RASSF2: variants seen among roughly 807,000 people sequenced by gnomAD.
The protein encoded by RASSF2 is Ras association domain family member 2, also known as ras association domain-containing protein 2.
In RASSF2, 34 loss-of-function variants were observed where a neutral mutation model predicts 46.3. The observed-to-expected ratio is 0.73, with a 90% confidence interval of 0.56 to 0.98. The LOEUF (loss-of-function observed/expected upper bound fraction) is 0.98, where lower values mean the gene tolerates loss of function less well. Ranked by LOEUF, RASSF2 falls within the 50% of genes least tolerant of loss-of-function variation. RASSF2 has a pLI of 0.00. For synonymous variants in RASSF2, 158 were observed against 162.5 expected (o/e 0.97, Z 0.21); for missense variants, 364 against 431.2 (o/e 0.84, Z 1.38).
chr20:4,784,173 T>C lies in RASSF2; in HGVS notation c.*100A>G. The C allele has an allele frequency of 8.0e-7, 1 of 1,243,080 alleles. No homozygotes were observed. The allele number at this position is 1,243,080 out of a possible 1,614,324, so 77.0% of individuals were successfully genotyped here. ...TGGCTTGGCCGGAGCTGGGGAGGTT[T>C]GTGTCTAAATGTTTCCATGGAAAGA... On this transcript the variant is annotated 3_prime_UTR_variant, in exon 12 of 12. Transcript: ENST00000379400.
intron 2 of RASSF2, among the ~76,000 whole-genome samples, chr20:4,813,439 A>G (rs1250062523): frequency 6.6e-6 from 1 of 151,896 alleles, no homozygotes; most frequent in Non-Finnish European, 1.5e-5. Flanking sequence ...CGGTCCTGGG[A>G]CTCCTGCCGG....
chr20:4,809,237 C>T (rs1273408991), intron 2 of RASSF2, among the ~76,000 whole-genome samples: 1 of 152,186 alleles, frequency 6.6e-6, no homozygotes, highest in Non-Finnish European at 1.5e-5. Flanking sequence ...GTAAGACCTT[C>T]CCTAAGACCC....
chr20:4,788,315 T>C, intron 8 of RASSF2, 47 bp from the exon 9 acceptor site: 1 of 1,533,278 alleles, frequency 6.5e-7, no homozygotes. Context: ...TATTTAAACA[T>C]CCCAACTTCG....
Position 4,789,413 on chromosome 20 carries a change from C to T in RASSF2, c.639+183G>A, listed in dbSNP as rs140274802. ...TGAGAATCTGAATTTCTAACAAGCA[C>T]CCAGGTGATGCTGATGCTGATTCTG... On this transcript the variant is annotated intron_variant, in intron 8 of 11. Transcript: ENST00000379400. Among the ~76,000 whole-genome samples the T allele has an allele frequency of 1.7e-3, 260 of 152,244 alleles. 3 individuals carry two copies. In the East Asian group the frequency reaches 0.027, roughly 16 times the overall value.
chr20:4,801,027 C>A lies in RASSF2; in HGVS notation c.4G>T (p.Asp2Tyr). 1 of 1,613,770 alleles carries A rather than the reference C, an allele frequency of 6.2e-7. No individual in the cohort carries two copies. The highest frequency in any genetic ancestry group is 8.5e-7 in the Non-Finnish European group (1 of 1,179,636). M[D>Y]YSHQTSLVPC... Reference sequence around the variant, plus strand: ...ACTAGGGACGTTTGGTGGCTGTAGTCCATTCTTCCTTTCTCTTTTCATCGG... The same window carrying A: ...ACTAGGGACGTTTGGTGGCTGTAGTACATTCTTCCTTTCTCTTTTCATCGG... Residue 2 changes from aspartate (D) to tyrosine (Y), a missense_variant, in exon 3 of 12, where the codon GAC (aspartate) becomes TAC (tyrosine). By Grantham distance (160) the Asp-to-Tyr change is radical. Transcript: ENST00000379400.
chr20:4,782,149 A>G lies in RASSF2; in HGVS notation c.*2124T>C, dbSNP rs969668974. The G allele has an allele frequency of 3.3e-5, 5 of 152,220 alleles. No homozygotes were observed. Among genetic ancestry groups the G allele is most frequent in the African/African-American group, 1.2e-4 (5 of 41,446 alleles). 9.4% of individuals were successfully genotyped at this position (152,220 alleles called of 1,614,324 possible). The stretch of plus-strand genomic sequence containing the variant: ...TCTGGCCAACTGGACATGTTGCAGT[A>G]TTTCCCCATCTAACACTATCGTAGT... On this transcript the variant is annotated 3_prime_UTR_variant, in exon 12 of 12. Coordinates refer to ENST00000379400, the MANE Select transcript of RASSF2 (RefSeq NM_014737.3).
chr20:4,802,869 T>A (rs1375761858), intron 2 of RASSF2, among the ~76,000 whole-genome samples: 1 of 143,050 alleles, frequency 7.0e-6, no homozygotes, highest in East Asian at 2.0e-4. Context: ...CATATACACG[T>A]GTATGTGTGT....
rs1348307878 is a variant in RASSF2 at position 4,780,379 on chromosome 20, T to C, written c.*3894A>G. ...ACAGCTTGTGCATCTTGTGCTCAGTTAAATACAGTTAAAACACAAGGGGCG... is the reference window on the plus strand; with the variant it reads ...ACAGCTTGTGCATCTTGTGCTCAGTCAAATACAGTTAAAACACAAGGGGCG... On this transcript the variant is annotated 3_prime_UTR_variant, in exon 12 of 12. Coordinates refer to ENST00000379400, the MANE Select transcript of RASSF2 (RefSeq NM_014737.3). 6.6e-6 allele frequency: 1 copy of C among 152,162 alleles called. No homozygotes were observed. Among genetic ancestry groups the C allele is most frequent in the African/African-American group, 2.4e-5 (1 of 41,436 alleles). The allele number at this position is 152,162 out of a possible 1,614,324, so 9.4% of individuals were successfully genotyped here.
chr20:4,817,937 G>A (rs1278825266), intron 2 of RASSF2, among the ~76,000 whole-genome samples: 3 of 152,146 alleles, frequency 2.0e-5, no homozygotes, highest in Non-Finnish European at 4.4e-5. Context: ...TTGGAGATGG[G>A]GAAACTGAGA....
chr20:4,803,580 C>T (rs1927076508), intron 2 of RASSF2, among the ~76,000 whole-genome samples: 1 of 151,626 alleles, frequency 6.6e-6, no homozygotes, highest in Non-Finnish European at 1.5e-5. Context: ...AGCAGGAGAC[C>T]CCATCTCTAC....
intron 2 of RASSF2, among the ~76,000 whole-genome samples, chr20:4,818,383 C>A (rs1928462832): frequency 6.6e-6 from 1 of 152,132 alleles, no homozygotes; most frequent in Non-Finnish European, 1.5e-5. Flanking sequence ...GACTTGGATG[C>A]CTAATACAAA....
chr20:4,803,653 A>G (rs1927082008), intron 2 of RASSF2, among the ~76,000 whole-genome samples: 1 of 151,774 alleles, frequency 6.6e-6, no homozygotes, highest in Non-Finnish European at 1.5e-5. Context: ...GCTACTTGGG[A>G]GTCTAAGGTA....
In RASSF2 at chr20:4,808,513, G is replaced by T. The variant is rs1300521717; in HGVS notation, c.-32-7451C>A. 2.7e-5 allele frequency among the ~76,000 whole-genome samples: 4 copies of T among 145,900 alleles called. No homozygotes were observed. In the South Asian group the frequency reaches 8.5e-4, roughly 31 times the overall value. On this transcript the variant is annotated intron_variant, in intron 2 of 11. Transcript: ENST00000379400. ...TTTTTTTTTTTTTTTTTGAGACAGG[G>T]TCTCATTCTGTCACCCAGGCTGGAA...
intron 11 of RASSF2, among the ~76,000 whole-genome samples, chr20:4,784,621 A>T (rs537007378): frequency 5.3e-4 from 80 of 152,056 alleles, no homozygotes; most frequent in African/African-American, 1.9e-3. Context: ...AAAAAGGTAA[A>T]AAAAAACAAC....
intron 2 of RASSF2, among the ~76,000 whole-genome samples, chr20:4,813,665 C>T (rs896636286): frequency 2.6e-5 from 4 of 152,162 alleles, no homozygotes; most frequent in East Asian, 1.9e-4. Context: ...AGAGGCAGGG[C>T]GCTGGAGCGG....
chr20:4,817,184 C>A (rs1294363276), intron 2 of RASSF2, among the ~76,000 whole-genome samples: 1 of 152,170 alleles, frequency 6.6e-6, no homozygotes, highest in Non-Finnish European at 1.5e-5. Context: ...ACTTGGTATT[C>A]CAAAGTATAG....
intron 2 of RASSF2, among the ~76,000 whole-genome samples, chr20:4,821,231 G>A (rs78630812): frequency 0.046 from 7,037 of 152,146 alleles, 500 homozygotes; most frequent in African/African-American, 0.15. Context: ...CACCAACTGG[G>A]CTCCTAAGAT....
chr20:4,821,588 A>G (rs1025172931), intron 2 of RASSF2, among the ~76,000 whole-genome samples: 1 of 152,038 alleles, frequency 6.6e-6, no homozygotes, highest in East Asian at 1.9e-4. Context: ...CACTTACCAT[A>G]TGTCTCCCTG....
At chr20:4,808,640 C>T (rs1227595821) in intron 2 of RASSF2, among the ~76,000 whole-genome samples, 1 of 152,008 alleles carries the variant, frequency 6.6e-6, no homozygotes, top group Non-Finnish European at 1.5e-5. Context: ...GTACACGCCA[C>T]CATACCTGGC....
Sources: allele counts gnomAD v4.1 joint callset (sites outside exome capture counted in the v4.1 genomes callset), GRCh38; gene constraint gnomAD v4.1.1; transcripts MANE v1.5; gene names NCBI Gene and HGNC (gene_info 2026-07-23, HGNC 2026-07-21).